The following MAP1A variants were observed in gnomAD, a reference collection of about 807,000 sequenced individuals.
MAP1A encodes the protein microtubule-associated protein 1A.
A neutral mutation model predicts 185.9 loss-of-function variants in MAP1A; 42 were observed. The ratio of observed to expected loss-of-function variants is 0.23; its 90% CI spans 0.18 to 0.29. The LOEUF (loss-of-function observed/expected upper bound fraction) is 0.29, where lower values mean the gene tolerates loss of function less well. Ranked by LOEUF, MAP1A falls within the 10% of genes least tolerant of loss-of-function variation. The probability of loss-of-function intolerance (pLI) is 1.00; values close to 1 mark genes in which losing one functional copy is unlikely to be tolerated. For missense variants in MAP1A, 2,995 were observed against 3,450.4 expected (o/e 0.87, Z 3.31); for synonymous variants, 1,229 against 1,335.9 (o/e 0.92, Z 1.74).
chr15:43,513,618 C>A (rs1355508934), upstream of MAP1A, among the ~76,000 whole-genome samples: 1 of 152,184 alleles, frequency 6.6e-6, no homozygotes, highest in Non-Finnish European at 1.5e-5. Flanking sequence ...GAAAATAAGG[C>A]TAATATGACT....
chr15:43,524,056 G>C lies in MAP1A; in HGVS notation c.2583G>C (p.Glu861Asp). 2 of 1,614,128 alleles carry C rather than the reference G, an allele frequency of 1.2e-6. No individual in the cohort carries two copies. Among genetic ancestry groups the C allele is most frequent in the Non-Finnish European group, 1.7e-6 (2 of 1,180,040 alleles). Residue 861 changes from glutamate to aspartate, a missense_variant, in exon 4 of 6, where the codon GAG becomes GAC. Physicochemically the swap from Glu to Asp is conservative, Grantham distance 45. This residue lies in a region of MAP1A where 2,728 missense variants were observed against 2,986.0 expected (regional missense o/e 0.91). Transcript: ENST00000300231. ...CACTTACAGCTCCCCAGACAGAGGA[G>C]ACAGGCAAGAGCTCCCTGCTGCTTG... ...VASLTAPQTEETGKSSLLLDT... is the reference protein window; with the variant it reads ...VASLTAPQTEDTGKSSLLLDT...
In MAP1A at chr15:43,524,050, A is replaced by G. The variant is rs1474569608; in HGVS notation, c.2577A>G (p.Thr859=). The G allele has an allele frequency of 1.2e-6, 2 of 1,614,108 alleles. No homozygotes were observed. The highest frequency in any genetic ancestry group is 1.7e-5 in the Admixed American group (1 of 60,028). ...TGGCCTCACTTACAGCTCCCCAGAC[A>G]GAGGAGACAGGCAAGAGCTCCCTGC... is the stretch of plus-strand genomic sequence containing the variant. ...QSVASLTAPQ[T]EETGKSSLLL... Residue 859 remains threonine (T), a synonymous_variant, in exon 4 of 6, where the codon ACA becomes ACG. Coordinates refer to ENST00000300231, the MANE Select transcript of MAP1A (RefSeq NM_002373.6).
rs762192986 is a variant in MAP1A at position 43,528,892 on chromosome 15, A to T, written c.7419A>T (p.Leu2473=). The change falls in exon 4 of 6, where the codon CTA becomes CTT. Residue 2473 remains leucine (L), a synonymous_variant. Coordinates refer to ENST00000300231, the MANE Select transcript of MAP1A (RefSeq NM_002373.6). ...ACCTCTCAACTGAGGAAGTTCGGCT[A>T]GTAGGAAGAGGGGGGCGGCGCCGGG... ...DRDLSTEEVR[L]VGRGGRRRVG... is the part of the protein sequence containing the mutation. The T allele has an allele frequency of 3.7e-6, 6 of 1,613,208 alleles. No individual in the cohort carries two copies. In the East Asian group the frequency reaches 1.3e-4, roughly 36 times the overall value.
In MAP1A at chr15:43,523,922, G is replaced by A. The variant is rs758362290; in HGVS notation, c.2449G>A (p.Ala817Thr). ...TELTYPTNIV[A>T]APLAEEEHVS... is the part of the protein sequence containing the mutation. ...ACTCACCTACCCCACTAACATAGTG[G>A]CTGCCCCTTTGGCTGAAGAGGAACA... Residue 817 changes from alanine (A) to threonine (T), a missense_variant, in exon 4 of 6, where the codon GCT (alanine) becomes ACT (threonine). Ala to Thr is a moderately conservative substitution (Grantham distance 58, BLOSUM62 0). Around this residue, in one of 3 missense-constraint regions of MAP1A, gnomAD observed 2,728 missense variants for 2,986.0 expected, o/e 0.91. Coordinates refer to ENST00000300231, the MANE Select transcript of MAP1A (RefSeq NM_002373.6). The A allele has an allele frequency of 6.2e-6, 10 of 1,614,074 alleles. No homozygotes were observed. The Admixed American group carries it at 1.5e-4, about 24-fold the overall frequency.
In MAP1A at chr15:43,522,530, G is replaced by A. The variant is rs1060937; in HGVS notation, c.1057G>A (p.Ala353Thr). ...EGAKEARSEL[A>T]KELAKTEKKA... ...AGCCAAGGAGGCACGTTCAGAGCTG[G>A]CCAAGGAGTTAGCCAAGACAGAGAA... The change falls in exon 4 of 6, where the codon GCC (alanine) becomes ACC (threonine). Residue 353 changes from alanine (A) to threonine (T), a missense_variant. Transcript: ENST00000300231. The surrounding 1 kb of genome is among the most constrained non-coding windows in gnomAD (Gnocchi z 5.9). 6.2e-7 allele frequency: 1 copy of A among 1,612,788 alleles called. No homozygotes were observed. The highest frequency in any genetic ancestry group is 1.1e-5 in the South Asian group (1 of 90,924).
chr15:43,524,707 C>T lies in MAP1A; in HGVS notation c.3234C>T (p.Asn1078=). Residue 1078 remains asparagine, a synonymous_variant, in exon 4 of 6, where the codon AAC becomes AAT. Coordinates refer to ENST00000300231, the MANE Select transcript of MAP1A (RefSeq NM_002373.6). ...CCCAGGCCCAGGAAGCACCTGTCAACATTGATGAGGGGCTTACAGGCTGTA... is the reference window on the plus strand; with the variant it reads ...CCCAGGCCCAGGAAGCACCTGTCAATATTGATGAGGGGCTTACAGGCTGTA... ...RSPQAQEAPV[N]IDEGLTGCTI... 1 of 1,614,100 alleles carries T rather than the reference C, an allele frequency of 6.2e-7. No individual in the cohort carries two copies. Among genetic ancestry groups the T allele is most frequent in the Non-Finnish European group, 8.5e-7 (1 of 1,179,980 alleles).
chr15:43,524,841 G>C lies in MAP1A; in HGVS notation c.3368G>C (p.Arg1123Thr), dbSNP rs2079335807. Residue 1123 changes from arginine (R) to threonine (T), a missense_variant, in exon 4 of 6, where the codon AGG becomes ACG. Physicochemically the swap from Arg to Thr is moderately conservative, Grantham distance 71. Coordinates refer to ENST00000300231, the MANE Select transcript of MAP1A (RefSeq NM_002373.6). ...LGAEALPGGL[R>T]TLPQEPGKPQ... is the part of the protein sequence containing the mutation. ...GCAGAAGCCCTTCCCGGAGGTTTGA[G>C]GACTTTACCCCAAGAACCTGGCAAA... is the stretch of plus-strand genomic sequence containing the variant. 5 of 1,614,142 alleles carry C rather than the reference G, an allele frequency of 3.1e-6. No homozygotes were observed. Among genetic ancestry groups the C allele is most frequent in the Non-Finnish European group, 4.2e-6 (5 of 1,180,028 alleles).
chr15:43,527,182 C>T lies in MAP1A; in HGVS notation c.5709C>T (p.Ser1903=). 1 of 1,613,910 alleles carries T rather than the reference C, an allele frequency of 6.2e-7. No individual in the cohort carries two copies. Among genetic ancestry groups the T allele is most frequent in the Non-Finnish European group, 8.5e-7 (1 of 1,179,944 alleles). The change falls in exon 4 of 6, where the codon TCC becomes TCT. Residue 1903 remains serine (S), a synonymous_variant. Transcript: ENST00000300231. ...GAAELEGGPY[S]PLGKDYRKAE... ...CTGAGTTGGAAGGTGGGCCATACTC[C>T]CCCCTGGGGAAGGACTACCGCAAGG...
rs770379989 is a variant in MAP1A, at chr15:43,527,296, T to C, written c.5823T>C (p.His1941=). ...AGGTACCAGAGGCCAGCAAAAGCCATGCCACCACGGAGCCTGAGCAGACTG... is the reference window on the plus strand; with the variant it reads ...AGGTACCAGAGGCCAGCAAAAGCCACGCCACCACGGAGCCTGAGCAGACTG... ...SSKVPEASKS[H]ATTEPEQTEP... The change falls in exon 4 of 6, where the codon CAT becomes CAC. Residue 1941 remains histidine, a synonymous_variant. Coordinates refer to ENST00000300231, the MANE Select transcript of MAP1A (RefSeq NM_002373.6). 6 of 1,614,032 alleles carry C rather than the reference T, an allele frequency of 3.7e-6. No individual in the cohort carries two copies. The highest frequency in any genetic ancestry group is 5.1e-6 in the Non-Finnish European group (6 of 1,180,018).
chr15:43,512,960 G>A (rs1002260308), upstream of MAP1A, among the ~76,000 whole-genome samples: 11 of 152,298 alleles, frequency 7.2e-5, no homozygotes, highest in African/African-American at 2.6e-4. Context: ...AGAGATTTGA[G>A]AAAATAAGAT....
chr15:43,530,148 A>G lies in MAP1A; in HGVS notation c.8336A>G (p.Asn2779Ser), dbSNP rs777778263. 4.3e-6 allele frequency: 7 copies of G among 1,614,020 alleles called. No individual in the cohort carries two copies. The highest frequency in any genetic ancestry group is 3.3e-5 in the South Asian group (3 of 91,078). The change falls in exon 6 of 6, where the codon AAT (asparagine) becomes AGT (serine). Residue 2779 changes from asparagine to serine, a missense_variant. Asn to Ser is a conservative substitution (Grantham distance 46). Transcript: ENST00000300231. ...ACTCATGAGCAGCAGCAACAACTGA[A>G]TGTCCTGGTCCTGGCTAGCAGCAGC... ...QQTHEQQQQLNVLVLASSSTV... is the reference protein window; with the variant it reads ...QQTHEQQQQLSVLVLASSSTV...
At position 43,528,517 on chromosome 15, in the gene MAP1A, C is replaced by T. The variant is rs761491788; in HGVS notation, c.7044C>T (p.Ser2348=). 1.2e-6 allele frequency: 2 copies of T among 1,613,582 alleles called. No individual in the cohort carries two copies. Among genetic ancestry groups the T allele is most frequent in the South Asian group, 2.2e-5 (2 of 91,088 alleles). ...ECSEAATEKP[S]PFQVPSEDCA... ...CAGAGGCAGCCACGGAGAAGCCAAG[C>T]CCCTTCCAGGTTCCCTCTGAGGATT... The change falls in exon 4 of 6, where the codon AGC becomes AGT. Residue 2348 remains serine, a synonymous_variant. Transcript: ENST00000300231.
chr15:43,519,426 C>G (rs1425874374), intron 1 of MAP1A, among the ~76,000 whole-genome samples: 2 of 152,204 alleles, frequency 1.3e-5, no homozygotes, highest in Non-Finnish European at 2.9e-5. Context: ...CCCCAGGCTT[C>G]TCTTGTCCAA....
rs2079358552 is a variant in MAP1A at position 43,528,860 on chromosome 15, G to A, written c.7387G>A (p.Asp2463Asn). ...CCCACCTCTGCCCCCATCCATAGAT[G>A]ATAGGGACCTCTCAACTGAGGAAGT... Reference protein sequence around the residue: ...LNPPLPPSIDDRDLSTEEVRL... With the variant: ...LNPPLPPSIDNRDLSTEEVRL... Residue 2463 changes from aspartate to asparagine, a missense_variant, in exon 4 of 6, where the codon GAT (aspartate) becomes AAT (asparagine). Transcript: ENST00000300231. 3 of 1,613,448 alleles carry A rather than the reference G, an allele frequency of 1.9e-6. No homozygotes were observed. The highest frequency in any genetic ancestry group is 2.2e-5 in the South Asian group (2 of 91,070).
Position 43,524,372 on chromosome 15 carries a change from G to C in MAP1A, c.2899G>C (p.Gly967Arg), listed in dbSNP as rs781410927. 1.9e-6 allele frequency: 3 copies of C among 1,614,176 alleles called. No individual in the cohort carries two copies. The East Asian group carries it at 6.7e-5, about 36-fold the overall frequency. ...TGGAACTCCAGTGTTTAGTGCCCCT[G>C]GGCATGCCCTACATCCAGGAGAACC... is the stretch of plus-strand genomic sequence containing the variant. ...QYGTPVFSAP[G>R]HALHPGEPAL... Residue 967 changes from glycine (G) to arginine (R), a missense_variant, in exon 4 of 6, where the codon GGG becomes CGG. Physicochemically the swap from Gly to Arg is moderately radical, Grantham distance 125. This residue lies in a region of MAP1A where 2,728 missense variants were observed against 2,986.0 expected (regional missense o/e 0.91). Transcript: ENST00000300231.
At chr15:43,514,428 G>A (rs894935087), upstream of MAP1A, among the ~76,000 whole-genome samples, 4 of 152,190 alleles carry the variant, frequency 2.6e-5, no homozygotes, top group Admixed American at 6.5e-5. Flanking sequence ...TAGTGAGGAC[G>A]CAAAGGGGAC....
rs146483216 is a variant in MAP1A at position 43,530,143 on chromosome 15, A to G, written c.8331A>G (p.Gln2777=). The G allele has an allele frequency of 1.8e-4, 291 of 1,614,148 alleles. 3 individuals carry two copies. In the Middle Eastern group the frequency reaches 3.0e-3, roughly 16 times the overall value. Residue 2777 remains glutamine (Q), a synonymous_variant, in exon 6 of 6, where the codon CAA becomes CAG. Coordinates refer to ENST00000300231, the MANE Select transcript of MAP1A (RefSeq NM_002373.6). The part of the protein sequence containing the change: ...WYQQTHEQQQ[Q]LNVLVLASSS... ...AACAAACTCATGAGCAGCAGCAACAACTGAATGTCCTGGTCCTGGCTAGCA... is the reference window on the plus strand; with the variant it reads ...AACAAACTCATGAGCAGCAGCAACAGCTGAATGTCCTGGTCCTGGCTAGCA...
At position 43,521,949 on chromosome 15, in the gene MAP1A, C is replaced by A. The variant is rs1254481327; in HGVS notation, c.476C>A (p.Ala159Asp). Residue 159 changes from alanine (A) to aspartate (D), a missense_variant, in exon 4 of 6, where the codon GCC (alanine) becomes GAC (aspartate). By Grantham distance (126) the Ala-to-Asp change is moderately radical (BLOSUM62 -2). This residue lies in a region of MAP1A where 264 missense variants were observed against 435.3 expected (regional missense o/e 0.61). Transcript: ENST00000300231. This position sits in a 1 kb window ranked among gnomAD's most constrained non-coding sequence, Gnocchi z 4.6. ...SRKAKRSIEE[A>D]CLTLQHLNRL... ...AAAGCCAAGCGTAGCATTGAGGAGG[C>A]CTGCCTCACTCTGCAGCACTTAAAC... 1 of 1,614,150 alleles carries A rather than the reference C, an allele frequency of 6.2e-7. No homozygotes were observed. Among genetic ancestry groups the A allele is most frequent in the Admixed American group, 1.7e-5 (1 of 60,010 alleles).
chr15:43,515,775 C>A (rs916314483), upstream of MAP1A, among the ~76,000 whole-genome samples: 1 of 152,164 alleles, frequency 6.6e-6, no homozygotes, highest in Non-Finnish European at 1.5e-5. Flanking sequence ...AGTCTCAAAT[C>A]CAGGGTTTCA....
Sources: gnomAD v4.1 joint callset for allele counts (sites outside exome capture counted in the v4.1 genomes callset) on GRCh38, gnomAD v4.1.1 for gene constraint, gnomAD v4.1.1 regional missense constraint, Gnocchi (gnomAD v3.1) non-coding constraint, MANE v1.5 for transcripts, NCBI Gene and HGNC (gene_info 2026-07-23, HGNC 2026-07-21) for gene names.